Variants in CAMKMT observed in about 807,000 individuals in gnomAD.
CAMKMT encodes CaM KMT.
A neutral mutation model predicts 48.0 loss-of-function variants in CAMKMT; 53 were observed. That is an observed-to-expected ratio of 1.10 (90% CI 0.89 to 1.39). The LOEUF is 1.39. Ranked by LOEUF, CAMKMT falls within the 40% of genes most tolerant of loss-of-function variation. The probability of loss-of-function intolerance (pLI) is 0.00; values close to 1 mark genes in which losing one functional copy is unlikely to be tolerated. For missense variants in CAMKMT, 428 were observed against 402.7 expected (o/e 1.06, Z -0.54); for synonymous variants, 165 against 152.3 (o/e 1.08, Z -0.61).
At chr2:44,708,741 GCTC>G (rs200160203) in intron 6 of CAMKMT, among the ~76,000 whole-genome samples, 1,754 of 152,130 alleles carry the variant, frequency 0.012, 21 homozygotes, top group Admixed American at 0.018. Context: ...ATTTCACTGT[GCTC>G]CTCCTCCTTA....
chr2:44,391,977 A>G (rs988904131), intron 3 of CAMKMT: 3 of 152,586 alleles, frequency 2.0e-5, no homozygotes, highest in African/African-American at 7.2e-5. Context: ...TATGAACCTC[A>G]ACTGTTTTCA....
rs138938789 is a variant in CAMKMT at position 44,688,269 on chromosome 2, G to A, written c.377-16014G>A. Among the ~76,000 whole-genome samples, 22 of 152,220 alleles carry A rather than the reference G, an allele frequency of 1.4e-4. No homozygotes were observed. The East Asian group carries it at 2.9e-3, about 20-fold the overall frequency. Reference sequence around the variant, plus strand: ...TAGATGGCCCCAACAGAGCAAGACCGCTGTGTTTACAGCCAGGACGTGCTT... The same window carrying A: ...TAGATGGCCCCAACAGAGCAAGACCACTGTGTTTACAGCCAGGACGTGCTT... On this transcript the variant is annotated intron_variant, in intron 3 of 10. Coordinates refer to ENST00000378494, the MANE Select transcript of CAMKMT (RefSeq NM_024766.5).
At chr2:44,562,177 G>A (rs959343108) in intron 3 of CAMKMT, among the ~76,000 whole-genome samples, 1 of 152,192 alleles carries the variant, frequency 6.6e-6, no homozygotes, top group African/African-American at 2.4e-5. Flanking sequence ...TGGTGAGCCA[G>A]TGAGAGGGGC....
intron 3 of CAMKMT, among the ~76,000 whole-genome samples, chr2:44,498,042 A>T (rs1669839824): frequency 6.6e-6 from 1 of 152,110 alleles, no homozygotes; most frequent in South Asian, 2.1e-4. Flanking sequence ...TGTAGTTAGG[A>T]TATAAGCATT....
At chr2:44,498,753 T>A (rs1256194582) in intron 3 of CAMKMT, among the ~76,000 whole-genome samples, 1 of 152,234 alleles carries the variant, frequency 6.6e-6, no homozygotes, top group African/African-American at 2.4e-5. Flanking sequence ...TAAAGGCTGC[T>A]GAATGAAAAC....
intron 3 of CAMKMT, among the ~76,000 whole-genome samples, chr2:44,478,873 G>T (rs1668824357): frequency 6.6e-6 from 1 of 151,974 alleles, no homozygotes; most frequent in Non-Finnish European, 1.5e-5. Context: ...CTAATTTTTT[G>T]TATTTTTAGT....
At chr2:44,376,401 C>T (rs1033413200) in intron 2 of CAMKMT, among the ~76,000 whole-genome samples, 15 of 143,558 alleles carry the variant, frequency 1.0e-4, no homozygotes, top group African/African-American at 1.6e-4. Context: ...AGCCTGGTGA[C>T]GAAGTGAGAC....
intron 3 of CAMKMT, among the ~76,000 whole-genome samples, chr2:44,529,072 G>T (rs1218343591): frequency 6.6e-6 from 1 of 151,980 alleles, no homozygotes; most frequent in Admixed American, 6.5e-5. Context: ...ATAACCTGAG[G>T]TATAGTTTGT....
intron 3 of CAMKMT, among the ~76,000 whole-genome samples, chr2:44,633,453 G>A (rs1218795152): frequency 1.3e-5 from 2 of 151,920 alleles, no homozygotes; most frequent in Non-Finnish European, 2.9e-5. Context: ...GTTGTTTTTC[G>A]TTTTTTACCC....
chr2:44,633,940 G>A (rs191086036), intron 3 of CAMKMT, among the ~76,000 whole-genome samples: 2 of 151,946 alleles, frequency 1.3e-5, no homozygotes, highest in South Asian at 2.1e-4. Flanking sequence ...GGTTTTTGGG[G>A]TTTTTTTAAG....
At chr2:44,689,537 T>TC (rs945166947) in intron 3 of CAMKMT, among the ~76,000 whole-genome samples, 31 of 151,990 alleles carry the variant, frequency 2.0e-4, no homozygotes, top group African/African-American at 6.3e-4. Flanking sequence ...AGGCATTACT[T>TC]CCCCCACGTA....
chr2:44,404,917 G>T (rs902015117), intron 3 of CAMKMT, among the ~76,000 whole-genome samples: 2 of 152,028 alleles, frequency 1.3e-5, no homozygotes, highest in African/African-American at 2.4e-5. Context: ...TATAAATGCT[G>T]GTGGTTACTA....
In CAMKMT at chr2:44,719,049, C is replaced by T. The variant is rs147312615; in HGVS notation, c.623+3696C>T. 5.5e-3 allele frequency among the ~76,000 whole-genome samples: 832 copies of T among 152,242 alleles called. 4 individuals are homozygous for T. Among genetic ancestry groups the T allele is most frequent in the Middle Eastern group, 0.01 (3 of 294 alleles). Reference sequence around the variant, plus strand: ...AGGTACGTTCCAACCAAGTAGAATCCAGTGGTTGATTTTCCTGGGCCTTCT... The same window carrying T: ...AGGTACGTTCCAACCAAGTAGAATCTAGTGGTTGATTTTCCTGGGCCTTCT... On this transcript the variant is annotated intron_variant, in intron 7 of 10. Transcript: ENST00000378494.
chr2:44,683,348 C>A (rs1231158793), intron 3 of CAMKMT, among the ~76,000 whole-genome samples: 1 of 152,200 alleles, frequency 6.6e-6, no homozygotes, highest in African/African-American at 2.4e-5. Flanking sequence ...CAAATCATGT[C>A]TTTCCCACAC....
rs1002270180 is a variant in CAMKMT at position 44,496,796 on chromosome 2, A to G, written c.376+106491A>G. Among the ~76,000 whole-genome samples the G allele has an allele frequency of 3.3e-5, 5 of 152,332 alleles. No individual in the cohort carries two copies. The South Asian group carries it at 1.0e-3, about 32-fold the overall frequency. On this transcript the variant is annotated intron_variant, in intron 3 of 10. Coordinates refer to ENST00000378494, the MANE Select transcript of CAMKMT (RefSeq NM_024766.5). The stretch of plus-strand genomic sequence containing the variant: ...ATAATGGTAATCCATGGTAATAGAA[A>G]TGCTTAGTTCTACTGGGTATTTAAG...
chr2:44,524,735 C>T (rs1023843619), intron 3 of CAMKMT, among the ~76,000 whole-genome samples: 4 of 152,144 alleles, frequency 2.6e-5, no homozygotes, highest in African/African-American at 9.7e-5. Context: ...TGTGTATTTA[C>T]CTGTATGTCA....
chr2:44,458,454 A>G (rs1285836115), intron 3 of CAMKMT, among the ~76,000 whole-genome samples: 2 of 152,190 alleles, frequency 1.3e-5, no homozygotes, highest in African/African-American at 4.8e-5. Context: ...GAGATCATGT[A>G]AGTGAATACT....
chr2:44,416,203 G>T (rs1683538943), intron 3 of CAMKMT, among the ~76,000 whole-genome samples: 1 of 152,080 alleles, frequency 6.6e-6, no homozygotes, highest in Admixed American at 6.6e-5. Context: ...AAGAAAGAGG[G>T]ATTTTCATAT....
intron 7 of CAMKMT, among the ~76,000 whole-genome samples, chr2:44,740,917 T>C (rs1487403977): frequency 6.6e-6 from 1 of 152,096 alleles, no homozygotes; most frequent in African/African-American, 2.4e-5. Context: ...AAGAATGAGC[T>C]GTGAAAGATA....
Sources: allele counts gnomAD v4.1 joint callset (sites outside exome capture counted in the v4.1 genomes callset), GRCh38; gene constraint gnomAD v4.1.1; transcripts MANE v1.5; gene names NCBI Gene and HGNC (gene_info 2026-07-23, HGNC 2026-07-21).